The following PTPN9 variants were observed in gnomAD, a reference collection of about 807,000 sequenced individuals.
PTPN9 encodes the protein tyrosine-protein phosphatase non-receptor type 9.
A neutral mutation model predicts 69.8 loss-of-function variants in PTPN9; 26 were observed. That is an observed-to-expected ratio of 0.37 (90% CI 0.27 to 0.52). The LOEUF (loss-of-function observed/expected upper bound fraction) is 0.52, where lower values mean the gene tolerates loss of function less well. Among genes scored for constraint, PTPN9 ranks in the 20% least tolerant of loss-of-function variants. The probability of loss-of-function intolerance (pLI) is 0.91; values close to 1 mark genes in which losing one functional copy is unlikely to be tolerated. For synonymous variants in PTPN9, 274 were observed against 272.5 expected (o/e 1.01, Z -0.05); for missense variants, 549 against 740.3 (o/e 0.74, Z 3.00).
intron 1 of PTPN9, among the ~76,000 whole-genome samples, chr15:75,530,512 T>A (rs1258591805): frequency 3.5e-5 from 3 of 85,154 alleles, no homozygotes; most frequent in East Asian, 5.9e-4. Context: ...TTATAATATA[T>A]TATAATATAA....
At chr15:75,532,442 C>A (rs1452862785) in intron 1 of PTPN9, among the ~76,000 whole-genome samples, 1 of 151,930 alleles carries the variant, frequency 6.6e-6, no homozygotes, top group Non-Finnish European at 1.5e-5. Flanking sequence ...CATAAATAAA[C>A]CATGTCCTAA....
chr15:75,578,678 G>A (rs1290497137), intron 1 of PTPN9, 36 bp downstream of exon 1: 9 of 1,355,436 alleles, frequency 6.6e-6, no homozygotes, highest in Admixed American at 3.1e-5. Flanking sequence ...TCGGGGGCCC[G>A]GACACACCCA....
At position 75,514,199 on chromosome 15, in the gene PTPN9, G is replaced by A. The variant is rs541816684; in HGVS notation, c.528+3060C>T. Reference sequence around the variant, plus strand: ...TTTTTTTTTCTTTTGGATTTCTCAGGAATGATTTCTTCCTAGTTAGACCGC... The same window carrying A: ...TTTTTTTTTCTTTTGGATTTCTCAGAAATGATTTCTTCCTAGTTAGACCGC... On this transcript the variant is annotated intron_variant, in intron 5 of 12. Coordinates refer to ENST00000618819, the MANE Select transcript of PTPN9 (RefSeq NM_002833.4). Among the ~76,000 whole-genome samples, 4 of 150,558 alleles carry A rather than the reference G, an allele frequency of 2.7e-5. No homozygotes were observed. The South Asian group carries it at 8.4e-4, about 32-fold the overall frequency.
At chr15:75,545,536 G>A (rs2075028397) in intron 1 of PTPN9, among the ~76,000 whole-genome samples, 1 of 151,960 alleles carries the variant, frequency 6.6e-6, no homozygotes, top group Non-Finnish European at 1.5e-5. Flanking sequence ...CAATGAAAGA[G>A]GTGACTATTA....
At position 75,563,048 on chromosome 15, in the gene PTPN9, T is replaced by C. The variant is rs552301438; in HGVS notation, c.63+15666A>G. Among the ~76,000 whole-genome samples, 17 of 152,280 alleles carry C rather than the reference T, an allele frequency of 1.1e-4. 1 individual carries two copies. The East Asian group carries it at 3.3e-3, about 29-fold the overall frequency. The stretch of plus-strand genomic sequence containing the variant: ...TTTGTTACCCAGGTAATAAGCATAG[T>C]ACACAATAGACAGCTTTTTGATCCT... On this transcript the variant is annotated intron_variant, in intron 1 of 12. Transcript: ENST00000618819.
chr15:75,494,220 A>G (rs971096313), intron 7 of PTPN9, among the ~76,000 whole-genome samples: 1 of 151,134 alleles, frequency 6.6e-6, no homozygotes, highest in Non-Finnish European at 1.5e-5. Context: ...CAAGGAAAGA[A>G]ATCATTTAAA....
At chr15:75,525,616 C>T (rs1019569264) in intron 2 of PTPN9, among the ~76,000 whole-genome samples, 2 of 151,336 alleles carry the variant, frequency 1.3e-5, no homozygotes, top group African/African-American at 4.9e-5. Flanking sequence ...TTTCATCAAC[C>T]GCTTGTTTTA....
chr15:75,573,938 A>C (rs1595974235), intron 1 of PTPN9, among the ~76,000 whole-genome samples: 1 of 152,178 alleles, frequency 6.6e-6, no homozygotes, highest in Non-Finnish European at 1.5e-5. Context: ...CTGAAGGATG[A>C]AGAGGAGGTT....
At chr15:75,502,157 GAA>G (rs928399366) in intron 7 of PTPN9, among the ~76,000 whole-genome samples, 1 of 151,374 alleles carries the variant, frequency 6.6e-6, no homozygotes, top group African/African-American at 2.4e-5. Flanking sequence ...AGAGAAAAAA[GAA>G]AAAGAGGCCA....
chr15:75,501,532 A>G (rs1389926866), intron 7 of PTPN9, among the ~76,000 whole-genome samples: 1 of 145,134 alleles, frequency 6.9e-6, no homozygotes, highest in Non-Finnish European at 1.5e-5. Context: ...TGGCGTGATC[A>G]TAACTCACTG....
intron 9 of PTPN9, among the ~76,000 whole-genome samples, chr15:75,475,600 G>GT: frequency 2.6e-5 from 4 of 151,834 alleles, no homozygotes; most frequent in Admixed American, 2.6e-4. Flanking sequence ...AAAAAAAAAC[G>GT]TAACAACTCA....
At chr15:75,515,589 G>A (rs1595958484) in intron 5 of PTPN9, among the ~76,000 whole-genome samples, 1 of 151,720 alleles carries the variant, frequency 6.6e-6, no homozygotes, top group Non-Finnish European at 1.5e-5. Flanking sequence ...GCAACATAGC[G>A]AGACTCTGTC....
chr15:75,535,971 C>T (rs887645213), intron 1 of PTPN9, among the ~76,000 whole-genome samples: 2 of 152,174 alleles, frequency 1.3e-5, no homozygotes, highest in African/African-American at 4.8e-5. Context: ...CAAATATTTT[C>T]CACTTCTCAG....
At chr15:75,570,071 G>A (rs529815232) in intron 1 of PTPN9, among the ~76,000 whole-genome samples, 4 of 151,986 alleles carry the variant, frequency 2.6e-5, no homozygotes, top group South Asian at 4.1e-4. Context: ...CACCCGCCTC[G>A]GCCTCCCAAA....
At chr15:75,475,599 C>T (rs551710560) in intron 9 of PTPN9, among the ~76,000 whole-genome samples, 2 of 151,736 alleles carry the variant, frequency 1.3e-5, no homozygotes, top group Admixed American at 1.3e-4. Context: ...AAAAAAAAAA[C>T]GTAACAACTC....
chr15:75,504,535 G>T (rs2074803889), intron 7 of PTPN9, among the ~76,000 whole-genome samples: 1 of 141,226 alleles, frequency 7.1e-6, no homozygotes, highest in Non-Finnish European at 1.6e-5. Context: ...CCCCCGCCCA[G>T]CCAGCCGCCC....
rs1192589106 is a variant in PTPN9 at position 75,578,965 on chromosome 15, G to C, written c.-189C>G. 1 of 298,592 alleles carries C rather than the reference G, an allele frequency of 3.3e-6. No homozygotes were observed. The highest frequency in any genetic ancestry group is 6.1e-6 in the Non-Finnish European group (1 of 163,652). 18.5% of individuals were successfully genotyped at this position (298,592 alleles called of 1,614,324 possible). On this transcript the variant is annotated 5_prime_UTR_variant, in exon 1 of 13. Coordinates refer to ENST00000618819, the MANE Select transcript of PTPN9 (RefSeq NM_002833.4). ...CTGCTTCCTTAAGAAAAATCTCTCC[G>C]AACTGCCGCTCTCTTCCGGGAGGAA...
chr15:75,562,478 G>C (rs915185529), intron 1 of PTPN9, among the ~76,000 whole-genome samples: 4 of 152,130 alleles, frequency 2.6e-5, no homozygotes, highest in African/African-American at 9.7e-5. Flanking sequence ...CAGTTAACCA[G>C]AAGAGTGAGT....
chr15:75,497,598 C>T (rs1236435287), intron 7 of PTPN9, among the ~76,000 whole-genome samples: 2 of 151,366 alleles, frequency 1.3e-5, no homozygotes, highest in East Asian at 2.0e-4. Flanking sequence ...GTGAGGAGCT[C>T]GAGACCACTC....
Sources: allele counts gnomAD v4.1 joint callset (sites outside exome capture counted in the v4.1 genomes callset), GRCh38; gene constraint gnomAD v4.1.1; transcripts MANE v1.5; gene names NCBI Gene and HGNC (gene_info 2026-07-23, HGNC 2026-07-21).